Variants in NAA35 observed in about 807,000 individuals in gnomAD.
NAA35 encodes MAK10 homolog, amino-acid N-acetyltransferase subunit.
NAA35 carries 18 observed loss-of-function variants against 101.7 expected under a neutral mutation model. The observed-to-expected ratio is 0.18, with a 90% CI of 0.12 to 0.26. The LOEUF is 0.26. NAA35 is among the 10% of genes least tolerant of loss of function. The pLI, the probability that NAA35 is intolerant of heterozygous loss-of-function variation, is 1.00. For synonymous variants in NAA35, 267 were observed against 273.1 expected (o/e 0.98, Z 0.22); for missense variants, 601 against 886.8 (o/e 0.68, Z 4.09).
intron 6 of NAA35, chr9:85,966,605 CT>C: frequency 2.3e-6 from 3 of 1,281,128 alleles, no homozygotes; most frequent in South Asian, 1.3e-5. Context: ...GATTTCGCGG[CT>C]CCTAGAACTG....
At chr9:85,971,205 T>C (rs1029407209) in intron 6 of NAA35, among the ~76,000 whole-genome samples, 5 of 152,338 alleles carry the variant, frequency 3.3e-5, no homozygotes, top group Non-Finnish European at 7.3e-5. Flanking sequence ...ACTTTTTCTT[T>C]CATTTTATCT....
At chr9:86,013,625 G>C (rs553332725) in intron 16 of NAA35, 94 bp from the exon 17 acceptor site, 12 of 1,165,154 alleles carry the variant, frequency 1.0e-5, no homozygotes, top group African/African-American at 6.1e-5. Context: ...TAAATTTTCT[G>C]CTCATATTCT....
At position 86,014,039 on chromosome 9, in the gene NAA35, C is replaced by T. The variant is rs565271129; in HGVS notation, c.1568+142C>T. 8 of 592,854 alleles carry T rather than the reference C, an allele frequency of 1.3e-5. No homozygotes were observed. In the South Asian group the frequency reaches 2.9e-4, roughly 21 times the overall value. 36.7% of individuals were successfully genotyped at this position (592,854 alleles called of 1,614,324 possible). A position where few individuals can be genotyped will look rare whatever the true frequency, so the allele number is the denominator to read the frequency against. On this transcript the variant is annotated intron_variant, in intron 17 of 22. Coordinates refer to ENST00000361671, the MANE Select transcript of NAA35 (RefSeq NM_024635.4). ...AGTTGGAAAAATTTGAAAATTAGAG[C>T]TAGATCATCTTGAATATCTTTAAGT...
intron 6 of NAA35, among the ~76,000 whole-genome samples, chr9:85,972,693 A>G (rs1830048580): frequency 6.6e-6 from 1 of 152,144 alleles, no homozygotes; most frequent in Non-Finnish European, 1.5e-5. Flanking sequence ...CCAATTTGCC[A>G]GTCTCTACCA....
chr9:85,983,026 C>T (rs1830495916), intron 11 of NAA35, among the ~76,000 whole-genome samples: 1 of 152,128 alleles, frequency 6.6e-6, no homozygotes, highest in African/African-American at 2.4e-5. Context: ...TAGCTGAAAA[C>T]ATGAGAACTG....
intron 21 of NAA35, among the ~76,000 whole-genome samples, chr9:86,019,584 C>G (rs1399435919): frequency 1.3e-5 from 2 of 152,162 alleles, no homozygotes; most frequent in Non-Finnish European, 2.9e-5. Context: ...TTTGAAAACT[C>G]TGAGATATCA....
chr9:86,018,688 C>G lies in NAA35; in HGVS notation c.1915-11C>G. 6.2e-7 allele frequency: 1 copy of G among 1,606,892 alleles called. No individual in the cohort carries two copies. The highest frequency in any genetic ancestry group is 8.5e-7 in the Non-Finnish European group (1 of 1,178,154). ...AAACGTGTTTTGAATTATACTTCCCCTTCTTTTTAGGAAATGTCTGACCTC... is the reference window on the plus strand; with the variant it reads ...AAACGTGTTTTGAATTATACTTCCCGTTCTTTTTAGGAAATGTCTGACCTC... On this transcript the variant is annotated splice_polypyrimidine_tract_variant and intron_variant, in intron 20 of 22. Transcript: ENST00000361671.
At chr9:86,001,217 G>A (rs547280156) in intron 12 of NAA35, among the ~76,000 whole-genome samples, 15 of 152,044 alleles carry the variant, frequency 9.9e-5, no homozygotes, top group Admixed American at 1.3e-4. Flanking sequence ...TCATTGTGTC[G>A]ACTTTTATTT....
At chr9:85,996,337 C>A (rs1831156066) in intron 11 of NAA35, 62 bp from the exon 12 acceptor site, 3 of 1,092,580 alleles carry the variant, frequency 2.7e-6, no homozygotes, top group Non-Finnish European at 3.9e-6. Context: ...TATTTAATAA[C>A]ATTTGCAGTT....
At chr9:86,019,774 C>T (rs369265122) in intron 21 of NAA35, among the ~76,000 whole-genome samples, 1 of 152,196 alleles carries the variant, frequency 6.6e-6, no homozygotes, top group South Asian at 2.1e-4. Context: ...TGTCAAAAAT[C>T]ATTAATGCTT....
intron 1 of NAA35, chr9:85,941,896 C>T: frequency 4.3e-6 from 5 of 1,173,416 alleles, no homozygotes; most frequent in Non-Finnish European, 5.3e-6. Context: ...TGTGATTTTT[C>T]TTCTTAAACA....
chr9:85,991,166 G>T (rs1048294615), intron 11 of NAA35, among the ~76,000 whole-genome samples: 5 of 152,090 alleles, frequency 3.3e-5, no homozygotes, highest in Admixed American at 1.3e-4. Context: ...TGTGTCTATG[G>T]GAAGGCAGTC....
intron 11 of NAA35, among the ~76,000 whole-genome samples, chr9:85,990,918 G>C (rs1392208852): frequency 6.6e-6 from 1 of 152,200 alleles, no homozygotes; most frequent in Non-Finnish European, 1.5e-5. Flanking sequence ...GGAATGGGGA[G>C]GGCATCTGCA....
intron 2 of NAA35, among the ~76,000 whole-genome samples, chr9:85,944,902 T>C (rs752154794): frequency 6.6e-6 from 1 of 152,342 alleles, no homozygotes; most frequent in East Asian, 1.9e-4. Flanking sequence ...TACCACAGTT[T>C]GAAAACCACA....
At chr9:86,020,556 A>C (rs1158352151) in intron 21 of NAA35, among the ~76,000 whole-genome samples, 1 of 152,192 alleles carries the variant, frequency 6.6e-6, no homozygotes, top group African/African-American at 2.4e-5. Context: ...GTAATTAATA[A>C]ATTTTGACTG....
rs372223483 is a variant in NAA35, at chr9:85,962,168, T to C, written c.504T>C (p.Ala168=). The C allele has an allele frequency of 9.9e-6, 16 of 1,613,832 alleles. No homozygotes were observed. Among genetic ancestry groups the C allele is most frequent in the Non-Finnish European group, 1.4e-5 (16 of 1,179,918 alleles). Residue 168 remains alanine, a synonymous_variant, in exon 6 of 23, where the codon GCT becomes GCC. Transcript: ENST00000361671. ...CAAGGGAAAAAGTAAATAAAGCTGCTGTTTTTGAAGAGGTAAGATTTCGTA... is the reference window on the plus strand; with the variant it reads ...CAAGGGAAAAAGTAAATAAAGCTGCCGTTTTTGAAGAGGTAAGATTTCGTA... ...DIAREKVNKA[A]VFEEEDFQSM...
intron 15 of NAA35, among the ~76,000 whole-genome samples, chr9:86,011,978 TAA>T (rs1374606723): frequency 7.0e-6 from 1 of 142,196 alleles, no homozygotes; most frequent in East Asian, 2.0e-4. Flanking sequence ...ATATAATATA[TAA>T]TATATATTAT....
At chr9:85,965,326 A>T (rs7040548) in intron 6 of NAA35, among the ~76,000 whole-genome samples, 1 of 152,192 alleles carries the variant, frequency 6.6e-6, no homozygotes, top group African/African-American at 2.4e-5. Flanking sequence ...ACATTCATAC[A>T]ATCAAGTGCT....
chr9:86,005,553 A>T (rs1050687612), intron 13 of NAA35, among the ~76,000 whole-genome samples: 12 of 152,312 alleles, frequency 7.9e-5, no homozygotes, highest in East Asian at 7.7e-4. Context: ...CTATTTAGAG[A>T]TGACATCATT....
Sources: gnomAD v4.1 joint callset for allele counts (sites outside exome capture counted in the v4.1 genomes callset) on GRCh38, gnomAD v4.1.1 for gene constraint, MANE v1.5 for transcripts, NCBI Gene and HGNC (gene_info 2026-07-23, HGNC 2026-07-21) for gene names.